Variants in SLC67A2 observed in about 807,000 individuals in gnomAD.
SLC67A2 encodes solute carrier family 67 member 2, also known as solute carrier family 67 member A2.
the SLC67A2 span, among the ~76,000 whole-genome samples, chr2:102,722,076 C>A: frequency 6.6e-6 from 1 of 152,186 alleles, no homozygotes; most frequent in Non-Finnish European, 1.5e-5. Flanking sequence ...ATGGAGTCTG[C>A]CTACTGATTT....
chr2:102,723,558 G>C, the SLC67A2 span: 1 of 747,770 alleles, frequency 1.3e-6, no homozygotes, highest in Admixed American at 2.4e-5. Context: ...AAACACTAGG[G>C]GGGGTTCCTC....
At chr2:102,721,001 A>G in the SLC67A2 span, among the ~76,000 whole-genome samples, 3 of 152,246 alleles carry the variant, frequency 2.0e-5, no homozygotes, top group East Asian at 5.8e-4. Flanking sequence ...CTCCTCTGCT[A>G]TTCTATTGGC....
At chr2:102,730,952 T>C in the SLC67A2 span, 1 of 1,293,684 alleles carries the variant, frequency 7.7e-7, no homozygotes, top group East Asian at 2.3e-5. Context: ...CCCAAATCTA[T>C]CACTTTTTGA....
chr2:102,716,493 C>T, the SLC67A2 span: 1 of 152,192 alleles, frequency 6.6e-6, no homozygotes, highest in Non-Finnish European at 1.5e-5. Flanking sequence ...AAGCACTTAA[C>T]ATTTACATAA....
the SLC67A2 span, chr2:102,736,690 CGACGGCACCGGA>C: frequency 3.1e-6 from 5 of 1,613,468 alleles, 1 homozygote; most frequent in South Asian, 5.5e-5. Flanking sequence ...CGGCGGGCTC[CGACGGCACCGGA>C]GTCGGCAGCC....
chr2:102,718,891 G>T, the SLC67A2 span: 5 of 1,614,180 alleles, frequency 3.1e-6, no homozygotes, highest in East Asian at 1.1e-4. Context: ...CTGTCACCTT[G>T]GGCCGCACCC....
chr2:102,724,681 C>T, the SLC67A2 span, among the ~76,000 whole-genome samples: 4 of 152,142 alleles, frequency 2.6e-5, no homozygotes, highest in Non-Finnish European at 2.9e-5. Context: ...ATGCGGCTGG[C>T]GGATCTGCAT....
chr2:102,731,145 A>G, the SLC67A2 span: 3 of 1,197,638 alleles, frequency 2.5e-6, no homozygotes, highest in Non-Finnish European at 2.4e-6. Flanking sequence ...ACAATTACAC[A>G]GAAACCAACA....
the SLC67A2 span, chr2:102,736,565 C>G: frequency 6.2e-7 from 1 of 1,611,738 alleles, no homozygotes; most frequent in Non-Finnish European, 8.5e-7. Flanking sequence ...CTGGGAGCTC[C>G]CCGGAAGCTC....
chr2:102,726,597 CAT>C, the SLC67A2 span, among the ~76,000 whole-genome samples: 1 of 151,926 alleles, frequency 6.6e-6, no homozygotes, highest in African/African-American at 2.4e-5. Flanking sequence ...TAGATATAGA[CAT>C]AGACACACAC....
At chr2:102,723,109 C>T in the SLC67A2 span, among the ~76,000 whole-genome samples, 19 of 152,354 alleles carry the variant, frequency 1.2e-4, no homozygotes, top group East Asian at 2.9e-3. Context: ...AAAATCACCT[C>T]GCACATGTTA....
At chr2:102,725,878 A>T in the SLC67A2 span, among the ~76,000 whole-genome samples, 1 of 152,172 alleles carries the variant, frequency 6.6e-6, no homozygotes, top group African/African-American at 2.4e-5. Context: ...AGTTTAACAA[A>T]ACTCGAGATG....
At chr2:102,724,857 C>T in the SLC67A2 span, among the ~76,000 whole-genome samples, 1 of 152,164 alleles carries the variant, frequency 6.6e-6, no homozygotes, top group African/African-American at 2.4e-5. Flanking sequence ...GACGGCCAGC[C>T]TTTTTGGAAA....
chr2:102,727,520 C>T, the SLC67A2 span, among the ~76,000 whole-genome samples: 1 of 152,186 alleles, frequency 6.6e-6, no homozygotes, highest in Non-Finnish European at 1.5e-5. Context: ...ATTTTAATCA[C>T]ATTCCTTATT....
chr2:102,728,304 G>A, the SLC67A2 span, among the ~76,000 whole-genome samples: 1 of 152,112 alleles, frequency 6.6e-6, no homozygotes, highest in Admixed American at 6.6e-5. Context: ...AGGTGACTGA[G>A]GCTGGTTCCT....
At chr2:102,736,517 G>A in the SLC67A2 span, 4 of 1,589,526 alleles carry the variant, frequency 2.5e-6, no homozygotes, top group African/African-American at 2.7e-5. Flanking sequence ...TTGATAGGTA[G>A]TGAGGCACTC....
the SLC67A2 span, among the ~76,000 whole-genome samples, chr2:102,714,945 T>C: frequency 6.6e-6 from 1 of 152,206 alleles, no homozygotes; most frequent in African/African-American, 2.4e-5. Context: ...GATAGATTTC[T>C]AAATACCTTA....
At chr2:102,732,150 G>C in the SLC67A2 span, 24 of 725,668 alleles carry the variant, frequency 3.3e-5, no homozygotes, top group Admixed American at 4.0e-4. Flanking sequence ...TAGAAAAAAA[G>C]GAATTGCATT....
At chr2:102,725,412 T>C in the SLC67A2 span, among the ~76,000 whole-genome samples, 1 of 152,222 alleles carries the variant, frequency 6.6e-6, no homozygotes, top group Admixed American at 6.5e-5. Flanking sequence ...AAATAAAACA[T>C]TTTAATCCTC....
Sources: gnomAD v4.1 joint callset for allele counts (sites outside exome capture counted in the v4.1 genomes callset) on GRCh38, gnomAD v4.1.1 for gene constraint, MANE v1.5 for transcripts, NCBI Gene and HGNC (gene_info 2026-07-23, HGNC 2026-07-21) for gene names.